Variants in SNX24 observed in about 807,000 individuals in gnomAD.
The protein encoded by SNX24 is sorting nexin 24, also known as sorting nexin-24.
A neutral mutation model predicts 28.7 loss-of-function variants in SNX24; 22 were observed. The ratio of observed to expected loss-of-function variants is 0.77; its 90% CI spans 0.55 to 1.10. SNX24 has a LOEUF of 1.10. Among genes scored for constraint, SNX24 ranks in the 50% least tolerant of loss-of-function variants. The pLI is 0.00. For missense variants in SNX24, 221 were observed against 201.1 expected (o/e 1.10, Z -0.60); for synonymous variants, 69 against 71.5 (o/e 0.96, Z 0.18).
rs1000910873 is a variant in SNX24 at position 122,856,934 on chromosome 5, C to G, written c.60+11241C>G. Among the ~76,000 whole-genome samples, 3 of 152,248 alleles carry G rather than the reference C, an allele frequency of 2.0e-5. No homozygotes were observed. The South Asian group carries it at 6.2e-4, about 32-fold the overall frequency. ...GGTCAGGGGTCTCCTCAGTATCTTT[C>G]CTTCATGGTTGACTTTTTAATAATA... On this transcript the variant is annotated intron_variant, in intron 1 of 6. Coordinates refer to ENST00000261369, the MANE Select transcript of SNX24 (RefSeq NM_014035.4).
intron 3 of SNX24, among the ~76,000 whole-genome samples, chr5:122,964,208 A>G: frequency 7.5e-6 from 1 of 132,942 alleles, no homozygotes; most frequent in Non-Finnish European, 1.5e-5. Context: ...CTGCCATTGC[A>G]CTCCCTCCAG....
At chr5:122,994,440 A>G (rs113454316) in intron 3 of SNX24, among the ~76,000 whole-genome samples, 1 of 152,308 alleles carries the variant, frequency 6.6e-6, no homozygotes, top group Non-Finnish European at 1.5e-5. Context: ...GTCCCTCTGT[A>G]ATTTTGTGAC....
At chr5:122,857,905 C>G (rs1755280061) in intron 1 of SNX24, among the ~76,000 whole-genome samples, 1 of 152,160 alleles carries the variant, frequency 6.6e-6, no homozygotes, top group Non-Finnish European at 1.5e-5. Context: ...GCCTCAGCCT[C>G]CTGAGTAGCT....
intron 3 of SNX24, among the ~76,000 whole-genome samples, chr5:122,993,907 A>C (rs1761957776): frequency 6.6e-6 from 1 of 152,230 alleles, no homozygotes; most frequent in South Asian, 2.1e-4. Context: ...CGGACATTTC[A>C]AACCAAACTA....
downstream of SNX24, among the ~76,000 whole-genome samples, chr5:123,013,892 C>T (rs1762636566): frequency 6.6e-6 from 1 of 151,966 alleles, no homozygotes; most frequent in Admixed American, 6.6e-5. Flanking sequence ...TTTTAGTGCC[C>T]CATTTTACTG....
Position 123,028,735 on chromosome 5 carries a change from C to T in SNX24, n.384-503C>T, listed in dbSNP as rs139449409. 9.7e-5 allele frequency: 147 copies of T among 1,515,358 alleles called. No individual in the cohort carries two copies. In the East Asian group the frequency reaches 1.9e-3, roughly 20 times the overall value. The allele number at this position is 1,515,358 out of a possible 1,614,324, so 93.9% of individuals were successfully genotyped here. ...CATATACTGGCTTAACCTTAGATTT[C>T]GGTTTGGTAAATGGGAAAGGAAAAA... On this transcript the variant is annotated intron_variant and non_coding_transcript_variant, in intron 5 of 5. Coordinates refer to the SNX24 transcript ENST00000502387.
At chr5:122,992,574 T>C (rs1413850792) in intron 3 of SNX24, among the ~76,000 whole-genome samples, 1 of 152,186 alleles carries the variant, frequency 6.6e-6, no homozygotes, top group African/African-American at 2.4e-5. Flanking sequence ...AACTCCCAGC[T>C]CAAGGGTCAC....
intron 1 of SNX24, among the ~76,000 whole-genome samples, chr5:122,870,086 A>T (rs1401311792): frequency 6.6e-6 from 1 of 152,162 alleles, no homozygotes; most frequent in Non-Finnish European, 1.5e-5. Context: ...TTTTGGATTT[A>T]AATATTGTTG....
At chr5:122,922,558 CT>C (rs529430513) in intron 1 of SNX24, among the ~76,000 whole-genome samples, 118 of 146,662 alleles carry the variant, frequency 8.0e-4, no homozygotes, top group Middle Eastern at 3.6e-3. Context: ...TGGCATTGGT[CT>C]TTTTTTTTTT....
rs70988553 is a variant in SNX24 at position 123,014,333 on chromosome 5, A to ATTTT, written n.383+12355_383+12358dup. On this transcript the variant is annotated intron_variant and non_coding_transcript_variant, in intron 5 of 5. Coordinates refer to the SNX24 transcript ENST00000502387. ...AGGCACACGCCACTGTGCCCAGCTG[A>ATTTT]TTTTTTTTTTTTTTTTTTTTTTTTT... Among the ~76,000 whole-genome samples the ATTTT allele has an allele frequency of 5.6e-3, 435 of 77,290 alleles. 51 individuals carry two copies. Among genetic ancestry groups the ATTTT allele is most frequent in the African/African-American group, 0.014 (258 of 17,794 alleles). The allele number at this position is 77,290 out of a possible 152,430, so 50.7% of individuals were successfully genotyped here.
At chr5:122,848,569 C>T (rs1455827020) in intron 1 of SNX24, among the ~76,000 whole-genome samples, 6 of 149,534 alleles carry the variant, frequency 4.0e-5, no homozygotes, top group African/African-American at 1.2e-4. Context: ...ATTAGCCAGG[C>T]GTGGTGGCGG....
intron 1 of SNX24, among the ~76,000 whole-genome samples, chr5:122,849,400 T>G (rs1363739152): frequency 6.6e-6 from 1 of 152,174 alleles, no homozygotes; most frequent in East Asian, 1.9e-4. Flanking sequence ...CAATGTCAGC[T>G]GGAGCCTTGT....
At chr5:122,893,993 A>G (rs1396233873) in intron 1 of SNX24, among the ~76,000 whole-genome samples, 1 of 151,950 alleles carries the variant, frequency 6.6e-6, no homozygotes, top group African/African-American at 2.4e-5. Context: ...AGCCAAGATT[A>G]TACCATTGCA....
intron 1 of SNX24, among the ~76,000 whole-genome samples, chr5:122,894,911 TTTAAA>T (rs984314375): frequency 6.6e-6 from 1 of 152,148 alleles, no homozygotes; most frequent in Non-Finnish European, 1.5e-5. Context: ...AAAGAAACCT[TTTAAA>T]TTAAATACTC....
chr5:123,018,839 A>ACCATG (rs1239228911), intron 5 of SNX24, among the ~76,000 whole-genome samples: 3 of 152,060 alleles, frequency 2.0e-5, no homozygotes, highest in African/African-American at 7.2e-5. Context: ...GGTGCCTGCC[A>ACCATG]CCATGCCCTG....
At chr5:122,966,194 A>G (rs1195552876) in intron 3 of SNX24, among the ~76,000 whole-genome samples, 9 of 152,242 alleles carry the variant, frequency 5.9e-5, no homozygotes. Context: ...AGAAGTACAT[A>G]TTGTCCCTCT....
At chr5:122,946,206 T>C in intron 3 of SNX24, 47 bp downstream of exon 3, 2 of 1,103,716 alleles carry the variant, frequency 1.8e-6, no homozygotes, top group South Asian at 1.4e-5. Context: ...AATAATCATA[T>C]GTCTTACCAC....
intron 1 of SNX24, among the ~76,000 whole-genome samples, chr5:122,913,760 G>T (rs1758026899): frequency 1.3e-5 from 2 of 152,168 alleles, no homozygotes. Flanking sequence ...AAGGCAGGCG[G>T]CTGGGAGGTG....
chr5:122,893,219 A>G (rs1041007431), intron 1 of SNX24, among the ~76,000 whole-genome samples: 3 of 139,732 alleles, frequency 2.1e-5, no homozygotes, highest in East Asian at 2.2e-4. Context: ...TTAATGCCCA[A>G]TTGTTTCAAA....
Sources: allele counts gnomAD v4.1 joint callset (sites outside exome capture counted in the v4.1 genomes callset), GRCh38; gene constraint gnomAD v4.1.1; transcripts MANE v1.5; gene names NCBI Gene and HGNC (gene_info 2026-07-23, HGNC 2026-07-21).